Variants in ZDHHC20 observed in about 807,000 individuals in gnomAD.
ZDHHC20 encodes the protein palmitoyltransferase ZDHHC20.
In ZDHHC20, 43 loss-of-function variants were observed where a neutral mutation model predicts 57.8. The observed-to-expected ratio is 0.74, with a 90% CI of 0.58 to 0.96. The LOEUF is 0.96. ZDHHC20 is among the 40% of genes least tolerant of loss of function. The pLI is 0.00. For synonymous variants in ZDHHC20, 157 were observed against 153.0 expected (o/e 1.03, Z -0.19); for missense variants, 391 against 441.1 (o/e 0.89, Z 1.02).
intron 3 of ZDHHC20, among the ~76,000 whole-genome samples, chr13:21,414,699 C>T (rs534010002): frequency 5.1e-4 from 78 of 151,918 alleles, no homozygotes; most frequent in African/African-American, 1.7e-3. Context: ...TCACTTCTTA[C>T]TGTTTGTTCC....
At chr13:21,384,457 C>CAAAA (rs11358320) in intron 9 of ZDHHC20, among the ~76,000 whole-genome samples, 34 of 76,114 alleles carry the variant, frequency 4.5e-4, no homozygotes, top group Non-Finnish European at 6.1e-4. Context: ...ACTCTATCTC[C>CAAAA]AAAAAAAAAA....
chr13:21,400,320 G>GTCTTAA, intron 7 of ZDHHC20, 53 bp downstream of exon 7: 1 of 1,466,850 alleles, frequency 6.8e-7, no homozygotes. Flanking sequence ...TTATTAGGAA[G>GTCTTAA]ATAGCATCTT....
chr13:21,447,871 A>G (rs1484685342), intron 1 of ZDHHC20, among the ~76,000 whole-genome samples: 1 of 108,736 alleles, frequency 9.2e-6, no homozygotes, highest in Admixed American at 8.9e-5. Context: ...ACATCTAGGA[A>G]GTGAGGAGCG....
At chr13:21,385,811 C>T (rs1593179146) in intron 9 of ZDHHC20, among the ~76,000 whole-genome samples, 1 of 152,166 alleles carries the variant, frequency 6.6e-6, no homozygotes, top group Admixed American at 6.5e-5. Flanking sequence ...CCTCATCAAA[C>T]CACTTAAAAT....
intron 3 of ZDHHC20, among the ~76,000 whole-genome samples, chr13:21,414,675 G>A (rs1044789025): frequency 6.6e-6 from 1 of 151,898 alleles, no homozygotes; most frequent in Admixed American, 6.6e-5. Flanking sequence ...CCGGCCTAGG[G>A]CTGTTTCTTG....
intron 1 of ZDHHC20, among the ~76,000 whole-genome samples, chr13:21,443,274 G>C (rs1883358136): frequency 6.6e-6 from 1 of 151,840 alleles, no homozygotes; most frequent in African/African-American, 2.4e-5. Context: ...ACTTTTCCAA[G>C]TCCCTTTTCT....
rs764283818 is a variant in ZDHHC20 at position 21,459,093 on chromosome 13, C to T, written c.79G>A (p.Val27Ile). ...ACCACGTACGCGTAGTAGGACCAGA[C>T]GACCACGAAGGTGATGAAGAGCACC... is the stretch of plus-strand genomic sequence containing the variant. The part of the protein sequence containing the change: ...VPVLFITFVV[V>I]WSYYAYVVEL... Residue 27 changes from valine (V) to isoleucine (I), a missense_variant, in exon 1 of 13, where the codon GTC (valine) becomes ATC (isoleucine). Coordinates refer to ENST00000400590, the MANE Select transcript of ZDHHC20 (RefSeq NM_001330059.2). 1 of 1,606,664 alleles carries T rather than the reference C, an allele frequency of 6.2e-7. No individual in the cohort carries two copies. The highest frequency in any genetic ancestry group is 8.5e-7 in the Non-Finnish European group (1 of 1,177,210).
chr13:21,385,617 A>C (rs529323935), intron 9 of ZDHHC20, among the ~76,000 whole-genome samples: 5 of 152,322 alleles, frequency 3.3e-5, no homozygotes, highest in African/African-American at 1.2e-4. Flanking sequence ...GGTCACTATC[A>C]AGCTATTTAA....
chr13:21,386,850 A>G (rs887330299), intron 9 of ZDHHC20, among the ~76,000 whole-genome samples: 1 of 152,226 alleles, frequency 6.6e-6, no homozygotes, highest in Non-Finnish European at 1.5e-5. Flanking sequence ...TGTCTGGCTA[A>G]TATCTAGAAT....
intron 1 of ZDHHC20, among the ~76,000 whole-genome samples, chr13:21,444,179 T>C (rs749335464): frequency 6.6e-6 from 1 of 152,002 alleles, no homozygotes; most frequent in Non-Finnish European, 1.5e-5. Flanking sequence ...AATAAATGAG[T>C]AAAATTTTGT....
At chr13:21,421,660 T>C (rs1371359349) in intron 2 of ZDHHC20, among the ~76,000 whole-genome samples, 2 of 152,198 alleles carry the variant, frequency 1.3e-5, no homozygotes, top group Non-Finnish European at 2.9e-5. Context: ...CCCTGTTCAA[T>C]ACAGGCTAAC....
At chr13:21,430,364 C>A (rs1195617946) in intron 1 of ZDHHC20, among the ~76,000 whole-genome samples, 1 of 151,858 alleles carries the variant, frequency 6.6e-6, no homozygotes, top group African/African-American at 2.4e-5. Context: ...TCCATTGACA[C>A]CATGAGAGGG....
chr13:21,374,435 A>C lies in ZDHHC20; in HGVS notation c.*2261T>G, dbSNP rs191014582. 3.2e-3 allele frequency: 1,455 copies of C among 455,676 alleles called. 3 individuals carry two copies. Among genetic ancestry groups the C allele is most frequent in the Non-Finnish European group, 5.0e-3 (1,141 of 226,618 alleles). 28.2% of individuals were successfully genotyped at this position (455,676 alleles called of 1,614,324 possible). A position where few individuals can be genotyped will look rare whatever the true frequency, so the allele number is the denominator to read the frequency against. The stretch of plus-strand genomic sequence containing the variant: ...TTTTTAGTGGAGACAGGGTTTTGCC[A>C]TTTTGACCAGGCTAATCTCGAACCC... On this transcript the variant is annotated 3_prime_UTR_variant, in exon 13 of 13. Coordinates refer to ENST00000400590, the MANE Select transcript of ZDHHC20 (RefSeq NM_001330059.2).
intron 3 of ZDHHC20, among the ~76,000 whole-genome samples, chr13:21,415,413 G>A (rs1441630469): frequency 1.3e-5 from 2 of 152,188 alleles, no homozygotes; most frequent in African/African-American, 2.4e-5. Flanking sequence ...AGCAAAGTGT[G>A]ATGGGACAAG....
intron 9 of ZDHHC20, among the ~76,000 whole-genome samples, chr13:21,384,858 C>T (rs79558093): frequency 0.014 from 2,068 of 152,158 alleles, 52 homozygotes; most frequent in African/African-American, 0.046. Flanking sequence ...CCTAGCCCTT[C>T]GGGAGGCCAA....
chr13:21,386,745 C>T (rs1874579701), intron 9 of ZDHHC20, among the ~76,000 whole-genome samples: 1 of 152,190 alleles, frequency 6.6e-6, no homozygotes, highest in Admixed American at 6.5e-5. Context: ...GACCGGGTTT[C>T]ACCATGTTGG....
At position 21,376,582 on chromosome 13, in the gene ZDHHC20, C is replaced by T; in HGVS notation, c.*114G>A. The T allele has an allele frequency of 8.3e-7, 1 of 1,210,176 alleles. No individual in the cohort carries two copies. The highest frequency in any genetic ancestry group is 1.1e-6 in the Non-Finnish European group (1 of 884,526). The allele number at this position is 1,210,176 out of a possible 1,614,324, so 75.0% of individuals were successfully genotyped here. A position where few individuals can be genotyped will look rare whatever the true frequency, so the allele number is the denominator to read the frequency against. On this transcript the variant is annotated 3_prime_UTR_variant, in exon 13 of 13. Transcript: ENST00000400590. ...AAAAAATATATCTTCTGTTATACTT[C>T]AGTTATTTCATTCCACTGATCATTT...
chr13:21,452,084 T>C (rs1305435292), intron 1 of ZDHHC20, among the ~76,000 whole-genome samples: 2 of 152,192 alleles, frequency 1.3e-5, no homozygotes, highest in Admixed American at 1.3e-4. Context: ...TAATCTTCTC[T>C]GTACTCTTCC....
chr13:21,439,698 AATAGGCCT>A (rs201090533), intron 1 of ZDHHC20, among the ~76,000 whole-genome samples: 2,219 of 152,324 alleles, frequency 0.015, 20 homozygotes, highest in Admixed American at 0.025. Flanking sequence ...ATGAAGTCTG[AATAGGCCT>A]ACAGATTAAA....
Sources: gnomAD v4.1 joint callset for allele counts (sites outside exome capture counted in the v4.1 genomes callset) on GRCh38, gnomAD v4.1.1 for gene constraint, MANE v1.5 for transcripts, NCBI Gene and HGNC (gene_info 2026-07-23, HGNC 2026-07-21) for gene names.